The following RAPH1 variants were observed in gnomAD, a reference collection of about 807,000 sequenced individuals.
RAPH1 encodes the protein Ras association (RalGDS/AF-6) and pleckstrin homology domains 1.
In RAPH1, 18 loss-of-function variants were observed where a neutral mutation model predicts 88.1. The ratio of observed to expected loss-of-function variants is 0.20; its 90% CI spans 0.14 to 0.30. The LOEUF is 0.30. Ranked by LOEUF, RAPH1 falls within the 10% of genes least tolerant of loss-of-function variation. The probability of loss-of-function intolerance (pLI) is 1.00; values close to 1 mark genes in which losing one functional copy is unlikely to be tolerated. For missense variants in RAPH1, 1,448 were observed against 1,543.2 expected (o/e 0.94, Z 1.03); for synonymous variants, 587 against 559.0 (o/e 1.05, Z -0.71).
intron 4 of RAPH1, among the ~76,000 whole-genome samples, chr2:203,487,877 G>A (rs1265374442): frequency 6.6e-6 from 1 of 152,006 alleles, no homozygotes; most frequent in African/African-American, 2.4e-5. Flanking sequence ...GCACATGGGT[G>A]GGTACCAAGA....
At chr2:203,479,699 T>C (rs1438326411) in intron 4 of RAPH1, among the ~76,000 whole-genome samples, 2 of 151,946 alleles carry the variant, frequency 1.3e-5, no homozygotes, top group Non-Finnish European at 2.9e-5. Flanking sequence ...CTATAGCTAT[T>C]ATTCAGTGTA....
intron 1 of RAPH1, among the ~76,000 whole-genome samples, chr2:203,513,627 G>A (rs1689462069): frequency 6.6e-6 from 1 of 150,512 alleles, no homozygotes; most frequent in African/African-American, 2.4e-5. Context: ...CTTGAGGTCA[G>A]GAGTTCGAGA....
In RAPH1 at chr2:203,439,200, T is replaced by C. The variant is rs1351601917; in HGVS notation, c.*237A>G. On this transcript the variant is annotated 3_prime_UTR_variant, in exon 14 of 14. Coordinates refer to ENST00000319170, the MANE Select transcript of RAPH1 (RefSeq NM_213589.3). Reference sequence around the variant, plus strand: ...CAGATTAGGAGAGAAAAGGAATAAATAGAATAACTCTCAGCTCTCTCTCTA... The same window carrying C: ...CAGATTAGGAGAGAAAAGGAATAAACAGAATAACTCTCAGCTCTCTCTCTA... 5 of 427,194 alleles carry C rather than the reference T, an allele frequency of 1.2e-5. No individual in the cohort carries two copies. The highest frequency in any genetic ancestry group is 2.1e-5 in the Non-Finnish European group (5 of 238,428). The allele number at this position is 427,194 out of a possible 1,614,324, so 26.5% of individuals were successfully genotyped here. A position where few individuals can be genotyped will look rare whatever the true frequency, so the allele number is the denominator to read the frequency against.
At chr2:203,526,242 A>G (rs543540143) in intron 1 of RAPH1, among the ~76,000 whole-genome samples, 1 of 152,290 alleles carries the variant, frequency 6.6e-6, no homozygotes, top group Non-Finnish European at 1.5e-5. Flanking sequence ...ATGTTTTATT[A>G]CTGTATGTGT....
rs554547782 is a variant in RAPH1, at chr2:203,435,755, T to C, written c.*3682A>G. 19 of 152,300 alleles carry C rather than the reference T, an allele frequency of 1.2e-4. No homozygotes were observed. The South Asian group carries it at 3.7e-3, about 30-fold the overall frequency. 9.4% of individuals were successfully genotyped at this position (152,300 alleles called of 1,614,324 possible). On this transcript the variant is annotated 3_prime_UTR_variant, in exon 14 of 14. Coordinates refer to ENST00000319170, the MANE Select transcript of RAPH1 (RefSeq NM_213589.3). ...AAAAACTTTTGGTAATGTACAAAAATAGGAATGGGTTTTTTACCTGTTTAA... is the reference window on the plus strand; with the variant it reads ...AAAAACTTTTGGTAATGTACAAAAACAGGAATGGGTTTTTTACCTGTTTAA...
At chr2:203,483,927 C>T (rs1032049004) in intron 4 of RAPH1, among the ~76,000 whole-genome samples, 2 of 152,118 alleles carry the variant, frequency 1.3e-5, no homozygotes, top group African/African-American at 4.8e-5. Flanking sequence ...ATACCATGGG[C>T]TTTCCTGGTT....
chr2:203,453,545 C>CAAAA (rs59304139), intron 10 of RAPH1, among the ~76,000 whole-genome samples: 20 of 28,276 alleles, frequency 7.1e-4, no homozygotes, highest in African/African-American at 1.3e-3. Flanking sequence ...GACCCTGCCT[C>CAAAA]AAAAAAAAAA....
chr2:203,480,420 C>T (rs774901925), intron 4 of RAPH1, among the ~76,000 whole-genome samples: 8 of 151,992 alleles, frequency 5.3e-5, no homozygotes, highest in South Asian at 2.1e-4. Flanking sequence ...TGGTGGTGCG[C>T]GCCTATAGTC....
chr2:203,509,134 G>C (rs548604897), intron 1 of RAPH1, among the ~76,000 whole-genome samples: 1 of 139,804 alleles, frequency 7.2e-6, no homozygotes, highest in Non-Finnish European at 1.5e-5. Context: ...GTGGTGACAC[G>C]ATCTTGGCTC....
At position 203,459,839 on chromosome 2, in the gene RAPH1, T is replaced by C. The variant is rs188154269; in HGVS notation, c.1092+68A>G. 21 of 1,502,432 alleles carry C rather than the reference T, an allele frequency of 1.4e-5. No homozygotes were observed. The Admixed American group carries it at 3.0e-4, about 22-fold the overall frequency. 93.1% of individuals were successfully genotyped at this position (1,502,432 alleles called of 1,614,324 possible). A position where few individuals can be genotyped will look rare whatever the true frequency, so the allele number is the denominator to read the frequency against. On this transcript the variant is annotated intron_variant, in intron 7 of 13. Coordinates refer to ENST00000319170, the MANE Select transcript of RAPH1 (RefSeq NM_213589.3). ...GTTTACCAGTCTTTTAACTCTAACT[T>C]AGCAGTAATCGAATAAAATAGGAGA... is the stretch of plus-strand genomic sequence containing the variant.
chr2:203,525,795 A>G (rs1048788793), intron 1 of RAPH1, among the ~76,000 whole-genome samples: 2 of 152,122 alleles, frequency 1.3e-5, no homozygotes, highest in Non-Finnish European at 2.9e-5. Flanking sequence ...AAAACAAAAA[A>G]TGCACATGCT....
intron 1 of RAPH1, among the ~76,000 whole-genome samples, chr2:203,522,173 T>C (rs773256647): frequency 6.6e-6 from 1 of 152,350 alleles, no homozygotes; most frequent in South Asian, 2.1e-4. Context: ...TACTTTTGCA[T>C]AACAAAAGAT....
chr2:203,441,358 G>C lies in RAPH1; in HGVS notation c.1832C>G (p.Pro611Arg). ...PYTSLVPPLS[P>R]QPKIVTPYTA... is the part of the protein sequence containing the mutation. Reference sequence around the variant, plus strand: ...GTAGGGGGTGACTATCTTAGGTTGCGGGGATAAAGGGGGCACAAGTGAAGT... The same window carrying C: ...GTAGGGGGTGACTATCTTAGGTTGCCGGGATAAAGGGGGCACAAGTGAAGT... The change falls in exon 14 of 14, where the codon CCG (proline) becomes CGG (arginine). Residue 611 changes from proline (P) to arginine (R), a missense_variant. Around this residue, in one of 2 missense-constraint regions of RAPH1, gnomAD observed 935 missense variants for 890.1 expected, o/e 1.05. Coordinates refer to ENST00000319170, the MANE Select transcript of RAPH1 (RefSeq NM_213589.3). 1 of 1,576,632 alleles carries C rather than the reference G, an allele frequency of 6.3e-7. No individual in the cohort carries two copies. The highest frequency in any genetic ancestry group is 1.2e-5 in the South Asian group (1 of 82,600).
chr2:203,477,563 CT>C, intron 4 of RAPH1, among the ~76,000 whole-genome samples: 1 of 152,304 alleles, frequency 6.6e-6, no homozygotes, highest in East Asian at 1.9e-4. Flanking sequence ...TAGCTTCCCT[CT>C]TCCCTCTCTT....
chr2:203,477,321 C>G (rs755820921), intron 4 of RAPH1, among the ~76,000 whole-genome samples: 2 of 152,106 alleles, frequency 1.3e-5, no homozygotes, highest in Non-Finnish European at 2.9e-5. Context: ...CTCTTATACG[C>G]AAAAATTATA....
intron 1 of RAPH1, among the ~76,000 whole-genome samples, chr2:203,516,443 G>T (rs1689609589): frequency 6.6e-6 from 1 of 152,216 alleles, no homozygotes; most frequent in South Asian, 2.1e-4. Context: ...CAGTCTAAAT[G>T]TATCAATTGA....
At chr2:203,506,894 A>ATTT (rs1183138481) in intron 1 of RAPH1, among the ~76,000 whole-genome samples, 3 of 101,278 alleles carry the variant, frequency 3.0e-5, no homozygotes, top group African/African-American at 1.7e-4. Context: ...ATATATATAT[A>ATTT]TATATTTTTT....
At chr2:203,506,820 CTA>C (rs1228434767) in intron 1 of RAPH1, among the ~76,000 whole-genome samples, 1,652 of 70,606 alleles carry the variant, frequency 0.023, 101 homozygotes, top group South Asian at 0.06. Context: ...ATCTATATAT[CTA>C]TATATATATC....
chr2:203,506,856 C>CTATATATCTATCTATATCTA (rs1559494829), intron 1 of RAPH1, among the ~76,000 whole-genome samples: 10 of 30,768 alleles, frequency 3.3e-4, no homozygotes, highest in Non-Finnish European at 2.2e-4. Context: ...CTATCTATAT[C>CTATATATCTATCTATATCTA]TATATATATA....
Sources: gnomAD v4.1 joint callset for allele counts (sites outside exome capture counted in the v4.1 genomes callset) on GRCh38, gnomAD v4.1.1 for gene constraint, gnomAD v4.1.1 regional missense constraint, MANE v1.5 for transcripts, NCBI Gene and HGNC (gene_info 2026-07-23, HGNC 2026-07-21) for gene names.